The following LINGO2 variants were observed in gnomAD, a reference collection of about 807,000 sequenced individuals.
The protein encoded by LINGO2 is leucine-rich repeat and immunoglobulin-like domain-containing nogo receptor-interacting protein 2.
In LINGO2, 14 loss-of-function variants were observed where a neutral mutation model predicts 30.6. The ratio of observed to expected loss-of-function variants is 0.46; its 90% confidence interval spans 0.30 to 0.72. The LOEUF is 0.72. LINGO2 is among the 30% of genes least tolerant of loss of function. The pLI is 0.07. For missense variants in LINGO2, 729 were observed against 751.7 expected, an observed-to-expected ratio of 0.97 and a Z score of 0.35; for synonymous variants, 317 against 288.5, an observed-to-expected ratio of 1.10 and a Z score of -1.00.
At chr9:29,187,387 T>G in the LINGO2 span, among the ~76,000 whole-genome samples, 1 of 152,202 alleles carries the variant, frequency 6.6e-6, no homozygotes, top group Non-Finnish European at 1.5e-5. Flanking sequence ...ATAAGCAAAA[T>G]CAAAATCTAG....
intron 3 of LINGO2, among the ~76,000 whole-genome samples, chr9:28,353,056 A>T (rs1413367631): frequency 1.3e-5 from 2 of 151,112 alleles, no homozygotes; most frequent in Non-Finnish European, 3.0e-5. Context: ...ACCCTAGAAG[A>T]AAACCTAGGC....
the LINGO2 span, among the ~76,000 whole-genome samples, chr9:28,684,827 C>A: frequency 1.3e-5 from 2 of 151,886 alleles, no homozygotes; most frequent in Non-Finnish European, 2.9e-5. Flanking sequence ...ACATTTTTTT[C>A]TTTTTTAACC....
chr9:28,716,006 G>C, the LINGO2 span, among the ~76,000 whole-genome samples: 2 of 151,930 alleles, frequency 1.3e-5, no homozygotes, highest in Non-Finnish European at 2.9e-5. Context: ...AATGTGTTGT[G>C]ATACCTTTAT....
chr9:28,707,951 C>A, the LINGO2 span, among the ~76,000 whole-genome samples: 4 of 152,038 alleles, frequency 2.6e-5, no homozygotes, highest in South Asian at 8.3e-4. Flanking sequence ...TGAAATTACA[C>A]TGAACTCATT....
chr9:27,982,401 A>G (rs1820923295), intron 5 of LINGO2, among the ~76,000 whole-genome samples: 1 of 151,888 alleles, frequency 6.6e-6, no homozygotes, highest in Admixed American at 6.6e-5. Flanking sequence ...GTGTCAACAC[A>G]TATAGACATA....
At chr9:28,960,331 CT>C in the LINGO2 span, among the ~76,000 whole-genome samples, 2 of 151,910 alleles carry the variant, frequency 1.3e-5, no homozygotes, top group African/African-American at 4.8e-5. Context: ...AAGATTCTGT[CT>C]CTACAAAACA....
At chr9:28,508,349 A>G (rs1301586001) in intron 1 of LINGO2, among the ~76,000 whole-genome samples, 1 of 152,094 alleles carries the variant, frequency 6.6e-6, no homozygotes, top group East Asian at 1.9e-4. Flanking sequence ...TAGTTGAGTA[A>G]TCTTTTACTC....
chr9:28,725,714 C>T, the LINGO2 span, among the ~76,000 whole-genome samples: 2 of 151,536 alleles, frequency 1.3e-5, no homozygotes, highest in South Asian at 4.2e-4. Context: ...TAAATAAAGT[C>T]ACCTATGAAA....
At chr9:28,500,538 T>A (rs1397790997) in intron 1 of LINGO2, among the ~76,000 whole-genome samples, 1 of 152,048 alleles carries the variant, frequency 6.6e-6, no homozygotes, top group Non-Finnish European at 1.5e-5. Context: ...AGATATAAAC[T>A]GAAGTCAATT....
At chr9:28,517,189 T>C (rs1244861039) in intron 1 of LINGO2, among the ~76,000 whole-genome samples, 2 of 152,140 alleles carry the variant, frequency 1.3e-5, no homozygotes, top group Non-Finnish European at 2.9e-5. Context: ...GACAAATGAG[T>C]ATAAGTGGTG....
chr9:28,411,375 T>G (rs1217713799), intron 2 of LINGO2, among the ~76,000 whole-genome samples: 1 of 152,124 alleles, frequency 6.6e-6, no homozygotes, highest in Non-Finnish European at 1.5e-5. Context: ...CAATATACTA[T>G]CTTAACCATT....
chr9:28,903,499 AGG>A, the LINGO2 span, among the ~76,000 whole-genome samples: 1 of 152,102 alleles, frequency 6.6e-6, no homozygotes, highest in Non-Finnish European at 1.5e-5. Context: ...TTATAGAGAC[AGG>A]GTCTCCCTCT....
At chr9:28,639,776 T>C (rs2031977042) in intron 1 of LINGO2, among the ~76,000 whole-genome samples, 1 of 152,194 alleles carries the variant, frequency 6.6e-6, no homozygotes, top group Non-Finnish European at 1.5e-5. Flanking sequence ...GTTTATCCAA[T>C]TTGCCAGTCT....
chr9:28,117,008 T>G (rs1826927052), intron 4 of LINGO2, among the ~76,000 whole-genome samples: 1 of 81,784 alleles, frequency 1.2e-5, no homozygotes, highest in Admixed American at 1.4e-4. Context: ...AGTTTCCAGT[T>G]TTTCTGTTCT....
At chr9:28,424,659 A>T (rs529063001) in intron 2 of LINGO2, among the ~76,000 whole-genome samples, 2 of 152,178 alleles carry the variant, frequency 1.3e-5, no homozygotes, top group Admixed American at 6.6e-5. Context: ...AAGTACATCA[A>T]TGTAATACCA....
At position 28,269,433 on chromosome 9, in the gene LINGO2, ATC is replaced by A. The variant is rs756857709; in HGVS notation, c.-87+25773_-87+25774del. On this transcript the variant is annotated intron_variant, in intron 4 of 5. Coordinates refer to ENST00000379992, the Ensembl canonical transcript of LINGO2. ...TACATCTCATCTTTATATAAACTAA[ATC>A]TGTTTTAATTTTCACTTAAATGTCA... Among the ~76,000 whole-genome samples the A allele has an allele frequency of 5.9e-5, 9 of 152,122 alleles. No individual in the cohort carries two copies. In the East Asian group the frequency reaches 1.5e-3, roughly 26 times the overall value.
At chr9:28,685,395 A>T in the LINGO2 span, among the ~76,000 whole-genome samples, 1 of 152,156 alleles carries the variant, frequency 6.6e-6, no homozygotes, top group Non-Finnish European at 1.5e-5. Flanking sequence ...TGTATTTATT[A>T]GTTTACACTG....
At chr9:29,082,655 T>C in the LINGO2 span, among the ~76,000 whole-genome samples, 1 of 151,914 alleles carries the variant, frequency 6.6e-6, no homozygotes, top group African/African-American at 2.4e-5. Context: ...ACCTACAGAA[T>C]GGGAGAAAAT....
At chr9:28,317,221 G>A (rs1370615996) in intron 3 of LINGO2, among the ~76,000 whole-genome samples, 2 of 151,746 alleles carry the variant, frequency 1.3e-5, no homozygotes, top group African/African-American at 4.9e-5. Flanking sequence ...CATTTTGTCA[G>A]TATGAGTTCC....
Sources: gnomAD v4.1 joint callset for allele counts (sites outside exome capture counted in the v4.1 genomes callset) on GRCh38, gnomAD v4.1.1 for gene constraint, MANE v1.5 for transcripts, NCBI Gene and HGNC (gene_info 2026-07-23, HGNC 2026-07-21) for gene names.